DOCK4: variants seen among roughly 807,000 people sequenced by gnomAD.
DOCK4 encodes the protein dedicator of cytokinesis protein 4.
DOCK4 carries 97 observed loss-of-function variants against 268.1 expected under a neutral mutation model. That is an observed-to-expected ratio of 0.36 (90% CI 0.31 to 0.43). DOCK4 has a LOEUF of 0.43. Among genes scored for constraint, DOCK4 ranks in the 20% least tolerant of loss-of-function variants. DOCK4 has a pLI of 1.00. For missense variants in DOCK4, 2,145 were observed against 2,455.7 expected (o/e 0.87, Z 2.67); for synonymous variants, 954 against 887.2 (o/e 1.08, Z -1.34).
intron 26 of DOCK4, among the ~76,000 whole-genome samples, chr7:111,829,082 A>G (rs1802617867): frequency 6.6e-6 from 1 of 151,942 alleles, no homozygotes; most frequent in African/African-American, 2.4e-5. Context: ...TATCACTTAT[A>G]ATTTCCCATT....
chr7:111,854,002 C>T (rs911999430), intron 23 of DOCK4, among the ~76,000 whole-genome samples: 2 of 151,516 alleles, frequency 1.3e-5, no homozygotes, highest in Admixed American at 6.6e-5. Context: ...GGCATGATCT[C>T]GGCTCACTGC....
At chr7:112,149,419 G>A (rs889930877) in intron 1 of DOCK4, among the ~76,000 whole-genome samples, 4 of 151,878 alleles carry the variant, frequency 2.6e-5, no homozygotes, top group South Asian at 4.1e-4. Context: ...CTGTTACCAC[G>A]CCAACATGGG....
chr7:112,183,452 A>G (rs989739368), intron 1 of DOCK4, among the ~76,000 whole-genome samples: 2 of 152,198 alleles, frequency 1.3e-5, no homozygotes, highest in Admixed American at 1.3e-4. Flanking sequence ...AAACTATGTG[A>G]CCTTGGCTTT....
intron 16 of DOCK4, among the ~76,000 whole-genome samples, chr7:111,888,160 G>A (rs1246541650): frequency 1.3e-5 from 2 of 151,366 alleles, no homozygotes; most frequent in Non-Finnish European, 3.0e-5. Context: ...TCTATACCCA[G>A]GTAGATGCTA....
intron 23 of DOCK4, among the ~76,000 whole-genome samples, chr7:111,849,262 CTTT>C (rs200312873): frequency 5.2e-5 from 7 of 133,346 alleles, no homozygotes; most frequent in Admixed American, 1.5e-4. Context: ...TTCCTAGTTA[CTTT>C]TTTTTTTTTT....
At chr7:112,097,492 G>A (rs1269535975) in intron 1 of DOCK4, among the ~76,000 whole-genome samples, 1 of 152,020 alleles carries the variant, frequency 6.6e-6, no homozygotes, top group South Asian at 2.1e-4. Context: ...CAGGAGGGTC[G>A]CTTGAGCCTG....
intron 1 of DOCK4, among the ~76,000 whole-genome samples, chr7:112,022,135 C>G (rs778411527): frequency 6.6e-6 from 1 of 152,208 alleles, no homozygotes; most frequent in African/African-American, 2.4e-5. Context: ...TCCTCTGTCT[C>G]TATTCAGTTC....
At chr7:111,994,330 C>T (rs1387408593) in intron 4 of DOCK4, 99 bp from the exon 5 acceptor site, 10 of 683,662 alleles carry the variant, frequency 1.5e-5, no homozygotes, top group Non-Finnish European at 2.1e-5. Context: ...AGCTGCCTAG[C>T]TATTGTTCGT....
intron 12 of DOCK4, among the ~76,000 whole-genome samples, chr7:111,927,866 A>G (rs1203048376): frequency 6.6e-6 from 1 of 152,160 alleles, no homozygotes; most frequent in Non-Finnish European, 1.5e-5. Flanking sequence ...TTCTCCCCTG[A>G]GCAGGTCATA....
rs189996786 is a variant in DOCK4, at chr7:112,134,437, T to A, written c.37+71665A>T. On this transcript the variant is annotated intron_variant, in intron 1 of 52. Coordinates refer to ENST00000428084, the MANE Select transcript of DOCK4 (RefSeq NM_001363540.2). ...AATAACTCTAAAAGTGTAAACTTAA[T>A]GGCTGGGCACGGTGGCTCACGCCTG... Among the ~76,000 whole-genome samples, 4 of 152,208 alleles carry A rather than the reference T, an allele frequency of 2.6e-5. No individual in the cohort carries two copies. In the East Asian group the frequency reaches 7.7e-4, roughly 29 times the overall value.
intron 45 of DOCK4, 25 bp downstream of exon 45, chr7:111,741,987 CG>C (rs768223143): frequency 6.5e-7 from 1 of 1,535,556 alleles, no homozygotes. Flanking sequence ...CAGGCTGCCC[CG>C]CCATGGACAC....
chr7:111,778,929 C>T (rs959687853), intron 35 of DOCK4, among the ~76,000 whole-genome samples: 1 of 152,064 alleles, frequency 6.6e-6, no homozygotes, highest in African/African-American at 2.4e-5. Context: ...GTGGCACACA[C>T]CTGTAATCCC....
chr7:112,094,896 G>A (rs1382713409), intron 1 of DOCK4, among the ~76,000 whole-genome samples: 4 of 152,134 alleles, frequency 2.6e-5, no homozygotes, highest in South Asian at 4.1e-4. Context: ...TCCTCCATTC[G>A]TCTTTTGCCA....
chr7:111,973,058 C>A (rs1797851440), intron 8 of DOCK4, among the ~76,000 whole-genome samples: 1 of 150,500 alleles, frequency 6.6e-6, no homozygotes, highest in Non-Finnish European at 1.5e-5. Flanking sequence ...TTTTCCATTC[C>A]TGAGTTTCTT....
At chr7:112,008,004 G>A (rs949832632) in intron 1 of DOCK4, among the ~76,000 whole-genome samples, 10 of 151,886 alleles carry the variant, frequency 6.6e-5, no homozygotes, top group African/African-American at 2.2e-4. Flanking sequence ...ATAATATCAC[G>A]GTTTACCAAA....
In DOCK4 at chr7:112,206,212, C is replaced by G. The variant is rs1053738117; in HGVS notation, c.-74G>C. On this transcript the variant is annotated 5_prime_UTR_variant, in exon 1 of 53. Coordinates refer to ENST00000428084, the MANE Select transcript of DOCK4 (RefSeq NM_001363540.2). ...TCTCCGGCTCACAACAATGCACAGT[C>G]CCCGAGCAGCGCTGCAGTGCCGGAG... 1 of 1,484,226 alleles carries G rather than the reference C, an allele frequency of 6.7e-7. No individual in the cohort carries two copies. The allele number at this position is 1,484,226 out of a possible 1,614,324, so 91.9% of individuals were successfully genotyped here.
chr7:111,863,270 C>T (rs766591791), intron 23 of DOCK4, 102 bp downstream of exon 23: 21 of 1,232,934 alleles, frequency 1.7e-5, no homozygotes, highest in South Asian at 5.2e-5. Context: ...TGAGAAAATG[C>T]CTTTTAGTGT....
At chr7:111,896,918 A>T (rs1174275573) in intron 15 of DOCK4, among the ~76,000 whole-genome samples, 1 of 152,178 alleles carries the variant, frequency 6.6e-6, no homozygotes, top group East Asian at 1.9e-4. Context: ...AACTGGAAAA[A>T]TAATTCATGT....
intron 1 of DOCK4, among the ~76,000 whole-genome samples, chr7:112,159,555 C>T (rs1222900191): frequency 6.6e-6 from 1 of 152,134 alleles, no homozygotes; most frequent in African/African-American, 2.4e-5. Context: ...AAACACAGTT[C>T]GTACTTCCGT....
Sources: allele counts gnomAD v4.1 joint callset (sites outside exome capture counted in the v4.1 genomes callset), GRCh38; gene constraint gnomAD v4.1.1; transcripts MANE v1.5; gene names NCBI Gene and HGNC (gene_info 2026-07-23, HGNC 2026-07-21).